EHMT2: variants seen among roughly 807,000 people sequenced by gnomAD.
EHMT2 encodes euchromatic histone lysine methyltransferase 2, also known as histone-lysine N-methyltransferase EHMT2.
A neutral mutation model predicts 143.3 loss-of-function variants in EHMT2; 59 were observed. The observed-to-expected ratio is 0.41, with a 90% confidence interval of 0.33 to 0.51. The LOEUF (loss-of-function observed/expected upper bound fraction) is 0.51, where lower values mean the gene tolerates loss of function less well. Ranked by LOEUF, EHMT2 falls within the 20% of genes least tolerant of loss-of-function variation. EHMT2 has a pLI of 0.18. For missense variants in EHMT2, 1,174 were observed against 1,645.9 expected (o/e 0.71, Z 4.96); for synonymous variants, 604 against 651.5 (o/e 0.93, Z 1.11).
Position 31,884,268 on chromosome 6 carries a change from G to A in EHMT2, c.2771+124C>T. 8.6e-7 allele frequency: 1 copy of A among 1,167,376 alleles called. No homozygotes were observed. Among genetic ancestry groups the A allele is most frequent in the Admixed American group, 2.6e-5 (1 of 38,456 alleles). The allele number at this position is 1,167,376 out of a possible 1,614,324, so 72.3% of individuals were successfully genotyped here. A position where few individuals can be genotyped will look rare whatever the true frequency, so the allele number is the denominator to read the frequency against. ...CCTAGTGGGGAGGGGGCCTGTGGGTGGTTCTGGGGATTCAGTGGTGCATGG... is the reference window on the plus strand; with the variant it reads ...CCTAGTGGGGAGGGGGCCTGTGGGTAGTTCTGGGGATTCAGTGGTGCATGG... On this transcript the variant is annotated intron_variant, in intron 21 of 27. Coordinates refer to ENST00000375537, the Ensembl canonical transcript of EHMT2. This position sits in a 1 kb window ranked among gnomAD's most constrained non-coding sequence, Gnocchi z 7.3.
intron 7 of EHMT2, among the ~76,000 whole-genome samples, chr6:31,892,137 G>T (rs939334486): frequency 6.6e-6 from 1 of 152,184 alleles, no homozygotes; most frequent in Non-Finnish European, 1.5e-5. Flanking sequence ...AGCTACTCGG[G>T]AGGCTGAGGC....
At chr6:31,886,380 T>G (rs1231580212) in intron 18 of EHMT2, 2 of 594,400 alleles carry the variant, frequency 3.4e-6, no homozygotes, top group African/African-American at 3.7e-5. Flanking sequence ...AGACAGGAAC[T>G]GATTATTCTG....
chr6:31,884,141 A>G lies in EHMT2; in HGVS notation c.2772-191T>C. On this transcript the variant is annotated intron_variant, in intron 21 of 27. Transcript: ENST00000375537. This position sits in a 1 kb window ranked among gnomAD's most constrained non-coding sequence, Gnocchi z 7.3. ...GAAATAGCTTTTTAGTATGTCCCAA[A>G]AATTACACAGGACATTCTCACACTA... 1 of 726,098 alleles carries G rather than the reference A, an allele frequency of 1.4e-6. No homozygotes were observed. The highest frequency in any genetic ancestry group is 2.2e-6 in the Non-Finnish European group (1 of 455,784). 45.0% of individuals were successfully genotyped at this position (726,098 alleles called of 1,614,324 possible). A position where few individuals can be genotyped will look rare whatever the true frequency, so the allele number is the denominator to read the frequency against.
intron 7 of EHMT2, among the ~76,000 whole-genome samples, chr6:31,890,542 C>G (rs1020337333): frequency 6.7e-6 from 1 of 150,114 alleles, no homozygotes; most frequent in Non-Finnish European, 1.5e-5. Flanking sequence ...TGAGCCACCA[C>G]GCCTGGGCCA....
chr6:31,887,157 G>A (rs1429609729), intron 15 of EHMT2, 56 bp from the exon 16 acceptor site: 3 of 1,437,294 alleles, frequency 2.1e-6, no homozygotes, highest in Non-Finnish European at 2.9e-6. Context: ...AAGCAAGCTA[G>A]GGGGCAGGTG....
At chr6:31,887,232 G>C in intron 15 of EHMT2, 131 bp from the exon 16 acceptor site, 1 of 736,880 alleles carries the variant, frequency 1.4e-6, no homozygotes, top group Non-Finnish European at 2.2e-6. Flanking sequence ...GGCATTCTCC[G>C]AGCTTGCCTC....
At chr6:31,879,952 T>C (rs1763880948) in exon 28 of EHMT2, 1 of 1,080,738 alleles carries the variant, frequency 9.3e-7, no homozygotes, top group Non-Finnish European at 1.3e-6. Context: ...GGATCTCTGG[T>C]CAGGAATGTG....
chr6:31,888,901 T>TCCTTC lies in EHMT2; in HGVS notation c.1216+63_1216+67dup. The stretch of plus-strand genomic sequence containing the variant: ...CACCCCGGCTCTGGCGTGGTTCCCC[T>TCCTTC]CCTTCCCTTTCCCTCCTGCCCTGAG... On this transcript the variant is annotated intron_variant, in intron 10 of 27. Coordinates refer to ENST00000375537, the Ensembl canonical transcript of EHMT2. The surrounding 1 kb of genome is among the most constrained non-coding windows in gnomAD (Gnocchi z 7.4). 2.0e-6 allele frequency: 3 copies of TCCTTC among 1,505,004 alleles called. No individual in the cohort carries two copies. The highest frequency in any genetic ancestry group is 2.7e-6 in the Non-Finnish European group (3 of 1,108,990). 93.2% of individuals were successfully genotyped at this position (1,505,004 alleles called of 1,614,324 possible).
intron 18 of EHMT2, chr6:31,885,271 A>G: frequency 2.4e-6 from 1 of 414,276 alleles, no homozygotes; most frequent in Non-Finnish European, 4.3e-6. Context: ...AGGTCAGGAG[A>G]TGGAGGCCAT....
At chr6:31,885,235 T>C in intron 18 of EHMT2, 1 of 505,820 alleles carries the variant, frequency 2.0e-6, no homozygotes, top group Non-Finnish European at 3.4e-6. Context: ...CCCAGCACTT[T>C]GGGAGGCCGA....
exon 4 of EHMT2, chr6:31,896,421 G>C: frequency 6.2e-7 from 1 of 1,613,054 alleles, no homozygotes; most frequent in South Asian, 1.1e-5. Flanking sequence ...TGGACAGATG[G>C]AGGTGATTTT....
At chr6:31,893,279 G>T in intron 4 of EHMT2, 1 of 445,728 alleles carries the variant, frequency 2.2e-6, no homozygotes, top group Non-Finnish European at 4.3e-6. Context: ...AGCAAAATGT[G>T]GCATTTATAC....
At position 31,889,621 on chromosome 6, in the gene EHMT2, A is replaced by T; in HGVS notation, c.865-19T>A. On this transcript the variant is annotated intron_variant, in intron 7 of 27. Transcript: ENST00000375537. The surrounding 1 kb of genome is among the most constrained non-coding windows in gnomAD (Gnocchi z 5.1). ...CTTCAGACTGGGAGAGAGGCAGAAC[A>T]GACATATCCAACCCCCAGGACTCAG... is the stretch of plus-strand genomic sequence containing the variant. 1 of 1,608,456 alleles carries T rather than the reference A, an allele frequency of 6.2e-7. No individual in the cohort carries two copies. The highest frequency in any genetic ancestry group is 8.5e-7 in the Non-Finnish European group (1 of 1,179,976).
chr6:31,880,636 C>G lies in EHMT2; in HGVS notation c.3452+37G>C, dbSNP rs542552358. 1 of 1,606,514 alleles carries G rather than the reference C, an allele frequency of 6.2e-7. No homozygotes were observed. The highest frequency in any genetic ancestry group is 1.1e-5 in the South Asian group (1 of 90,744). ...GTCCCAGGTTTGCTGCATCTCCCAC[C>G]CCCTGGCAGAGCCCCTAGAGACCCC... On this transcript the variant is annotated intron_variant, in intron 27 of 27. Transcript: ENST00000375537. The surrounding 1 kb of genome is among the most constrained non-coding windows in gnomAD (Gnocchi z 6.6).
chr6:31,892,434 C>T (rs770500272), exon 7 of EHMT2: 6 of 1,613,032 alleles, frequency 3.7e-6, no homozygotes, highest in Non-Finnish European at 3.4e-6. Flanking sequence ...CGCGCTCATC[C>T]ACAGAGTAGG....
chr6:31,892,897 T>C, exon 5 of EHMT2: 1 of 1,577,614 alleles, frequency 6.3e-7, no homozygotes, highest in Admixed American at 1.8e-5. Flanking sequence ...GGGCCGCTTC[T>C]CAGGGACCGG....
rs750169922 is a variant in EHMT2, at chr6:31,883,919, T to C, written c.2803A>G (p.Ile935Val). ...CCATCCACACCGTTGACACAGGGAA[T>C]GGGCACGTTCTCATAGCCCCGAGCC... is the stretch of plus-strand genomic sequence containing the variant. Residue 935 changes from isoleucine to valine, a missense_variant, in exon 22 of 28, where the codon ATT becomes GTT. Physicochemically the swap from Ile to Val is conservative, Grantham distance 29 (BLOSUM62 3). Coordinates refer to ENST00000375537, the Ensembl canonical transcript of EHMT2. This position sits in a 1 kb window ranked among gnomAD's most constrained non-coding sequence, Gnocchi z 5.6. 1.9e-6 allele frequency: 3 copies of C among 1,613,692 alleles called. No individual in the cohort carries two copies. Among genetic ancestry groups the C allele is most frequent in the Non-Finnish European group, 1.7e-6 (2 of 1,179,890 alleles).
chr6:31,887,738 C>T (rs754073765), intron 14 of EHMT2, 41 bp downstream of exon 14: 1 of 1,604,000 alleles, frequency 6.2e-7, no homozygotes, highest in Non-Finnish European at 8.5e-7. Flanking sequence ...ACTCCTCTGG[C>T]CTCAGCCCCA....
exon 7 of EHMT2, chr6:31,892,448 C>T: frequency 6.2e-7 from 1 of 1,613,082 alleles, no homozygotes; most frequent in Non-Finnish European, 8.5e-7. Flanking sequence ...GAGTAGGAAT[C>T]ATAGTAGAGA....
Sources: allele counts gnomAD v4.1 joint callset (sites outside exome capture counted in the v4.1 genomes callset), GRCh38; gene constraint gnomAD v4.1.1; non-coding constraint Gnocchi (gnomAD v3.1); transcripts MANE v1.5; gene names NCBI Gene and HGNC (gene_info 2026-07-23, HGNC 2026-07-21).